The following ATP1B4 variants were observed in gnomAD, a reference collection of about 807,000 sequenced individuals.
ATP1B4 encodes protein ATP1B4.
A neutral mutation model predicts 29.6 loss-of-function variants in ATP1B4; 32 were observed. The observed-to-expected ratio is 1.08, with a 90% confidence interval of 0.82 to 1.45. The LOEUF is 1.45. Ranked by LOEUF, ATP1B4 falls within the 40% of genes most tolerant of loss-of-function variation. ATP1B4 has a pLI of 0.00. For missense variants in ATP1B4, 323 were observed against 276.2 expected (o/e 1.17, Z -1.20); for synonymous variants, 127 against 102.1 (o/e 1.24, Z -1.47).
chrX:120,377,335 G>A (rs191670964), intron 6 of ATP1B4, among the ~76,000 whole-genome samples: 3 of 112,349 alleles, frequency 2.7e-5, no homozygotes, highest in Non-Finnish European at 5.6e-5. Flanking sequence ...AGACAATCAA[G>A]TATTACATGT....
At chrX:120,373,889 C>A (rs765257686) in intron 4 of ATP1B4, among the ~76,000 whole-genome samples, 80 of 108,089 alleles carry the variant, frequency 7.4e-4, no homozygotes, top group Non-Finnish European at 1.5e-3. Context: ...CTGGCTTATT[C>A]CCTCCCCCGC....
chrX:120,367,064 C>G (rs1291781053), intron 2 of ATP1B4, among the ~76,000 whole-genome samples: 2 of 112,024 alleles, frequency 1.8e-5, no homozygotes, highest in Non-Finnish European at 3.8e-5. Flanking sequence ...TGAAAAAGCA[C>G]ATGATTTTTT....
intron 2 of ATP1B4, among the ~76,000 whole-genome samples, chrX:120,369,658 G>T (rs1268992545): frequency 1.8e-5 from 2 of 111,962 alleles, no homozygotes; most frequent in African/African-American, 6.5e-5. Context: ...ACTTCACTCA[G>T]TGTTGCCTAA....
intron 2 of ATP1B4, among the ~76,000 whole-genome samples, chrX:120,368,865 C>T (rs1340652983): frequency 9.0e-6 from 1 of 111,692 alleles, no homozygotes; most frequent in East Asian, 2.8e-4. Context: ...AATACTTGGA[C>T]ATCCAGGGCA....
rs1569355578 is a variant in ATP1B4, at chrX:120,375,413, C to G, written c.604C>G (p.Pro202Ala). Residue 202 changes from proline (P) to alanine (A), a missense_variant, in exon 5 of 8, where the codon CCC becomes GCC. By Grantham distance (27) the Pro-to-Ala change is conservative. Transcript: ENST00000218008. ...SLQEEMNVDC[P>A]PGQYFIQDGN... ...TCAAGAGGAAATGAATGTAGATTGT[C>G]CCCCGGGGCAGTACTTCATCCAAGA... 8.3e-7 allele frequency: 1 copy of G among 1,210,133 alleles called. No individual in the cohort carries two copies. The highest frequency in any genetic ancestry group is 1.1e-6 in the Non-Finnish European group (1 of 894,775).
At chrX:120,366,414 A>G in intron 1 of ATP1B4, 111 bp from the exon 2 acceptor site, 1 of 905,349 alleles carries the variant, frequency 1.1e-6, no homozygotes, top group Non-Finnish European at 1.5e-6. Context: ...GGGAAAGTGG[A>G]AATTTGAAGC....
At chrX:120,370,624 G>T in intron 2 of ATP1B4, 91 bp from the exon 3 acceptor site, 1 of 1,064,033 alleles carries the variant, frequency 9.4e-7, no homozygotes, top group Non-Finnish European at 1.3e-6. Context: ...GAGCTATTTC[G>T]TGGTTGGGTT....
intron 1 of ATP1B4, among the ~76,000 whole-genome samples, chrX:120,365,114 G>C (rs1379007817): frequency 9.0e-6 from 1 of 111,413 alleles, no homozygotes; most frequent in Non-Finnish European, 1.9e-5. Flanking sequence ...CATTGTCCAG[G>C]GTATCAAGAG....
intron 2 of ATP1B4, among the ~76,000 whole-genome samples, chrX:120,370,475 A>G (rs778737801): frequency 4.7e-4 from 53 of 112,102 alleles, no homozygotes; most frequent in Non-Finnish European, 8.5e-4. Context: ...GTTCATGGCC[A>G]TCATTTGCTG....
chrX:120,375,288 C>G (rs2058346800), intron 4 of ATP1B4, 84 bp from the exon 5 acceptor site: 3 of 870,652 alleles, frequency 3.4e-6, no homozygotes, highest in Non-Finnish European at 4.9e-6. Context: ...AGAAAGGAAA[C>G]TTGGGAGGGA....
chrX:120,370,418 G>A (rs2058307082), intron 2 of ATP1B4, among the ~76,000 whole-genome samples: 2 of 111,518 alleles, frequency 1.8e-5, no homozygotes, highest in Admixed American at 1.9e-4. Flanking sequence ...GGACTCTCAA[G>A]CAATTTTCCC....
rs1298298472 is a variant in ATP1B4, at chrX:120,375,577, G to C, written c.759+9G>C. 2.5e-6 allele frequency: 3 copies of C among 1,190,744 alleles called. No homozygotes were observed. The highest frequency in any genetic ancestry group is 3.4e-6 in the Non-Finnish European group (3 of 883,035). On this transcript the variant is annotated intron_variant, in intron 5 of 7. Coordinates refer to ENST00000218008, the MANE Select transcript of ATP1B4 (RefSeq NM_001142447.3). ...TTCTAAAGATGAACCGGGTATATTG[G>C]CTTTTCATATCTGGTGGTGATAAGC... is the stretch of plus-strand genomic sequence containing the variant.
Position 120,375,535 on chromosome X carries a change from T to C in ATP1B4, c.726T>C (p.Thr242=). 8.3e-7 allele frequency: 1 copy of C among 1,209,970 alleles called. No individual in the cohort carries two copies. Among genetic ancestry groups the C allele is most frequent in the Non-Finnish European group, 1.1e-6 (1 of 894,899 alleles). The change falls in exon 5 of 8, where the codon ACT becomes ACC. Residue 242 remains threonine, a synonymous_variant. Transcript: ENST00000218008. The part of the protein sequence containing the change: ...GLEDPTFGYS[T]GQPCILLKMN... ...AGGACCCAACTTTTGGATACTCTACTGGACAGCCCTGCATCCTTCTAAAGA... is the reference window on the plus strand; with the variant it reads ...AGGACCCAACTTTTGGATACTCTACCGGACAGCCCTGCATCCTTCTAAAGA...
chrX:120,364,362 C>T (rs971073279), intron 1 of ATP1B4, among the ~76,000 whole-genome samples: 3 of 112,093 alleles, frequency 2.7e-5, no homozygotes, highest in Non-Finnish European at 5.6e-5. Context: ...CTGTGATATA[C>T]ATGACAGCTC....
rs750385599 is a variant in ATP1B4, at chrX:120,368,309, TCAGCCATAAAGC to T, written c.328+1521_328+1532del. 5.4e-5 allele frequency among the ~76,000 whole-genome samples: 6 copies of T among 111,835 alleles called. No homozygotes were observed. The East Asian group carries it at 1.7e-3, about 32-fold the overall frequency. ...AAGGGTGAATGGTAATGTTAATGCT[TCAGCCATAAAGC>T]ACACGCCTTGCTGTCTTCTTTCCTG... On this transcript the variant is annotated intron_variant, in intron 2 of 7. Coordinates refer to ENST00000218008, the MANE Select transcript of ATP1B4 (RefSeq NM_001142447.3).
intron 4 of ATP1B4, among the ~76,000 whole-genome samples, chrX:120,371,921 GC>G (rs1303712141): frequency 3.6e-5 from 4 of 112,566 alleles, no homozygotes; most frequent in African/African-American, 1.3e-4. Flanking sequence ...ACGTGCCTTG[GC>G]CTCCCAAAGT....
chrX:120,370,272 A>G (rs1392192658), intron 2 of ATP1B4, among the ~76,000 whole-genome samples: 1 of 112,283 alleles, frequency 8.9e-6, no homozygotes, highest in Admixed American at 9.4e-5. Flanking sequence ...ATTATAGACT[A>G]TGTGGAAAGA....
intron 4 of ATP1B4, among the ~76,000 whole-genome samples, chrX:120,374,753 A>G (rs1303062109): frequency 3.1e-5 from 1 of 32,011 alleles, no homozygotes; most frequent in Non-Finnish European, 5.3e-5. Flanking sequence ...AAGGGTGTAT[A>G]TATATATATT....
chrX:120,382,826 G>A lies in ATP1B4; in HGVS notation c.*3192G>A, dbSNP rs756626664. On this transcript the variant is annotated 3_prime_UTR_variant, in exon 8 of 8. Transcript: ENST00000218008. ...CACAATTGCAAAGCAATATTGAAGG[G>A]TACTAAGATAGTTTGGGTTGTCAGC... The A allele has an allele frequency of 1.3e-4, 15 of 112,109 alleles. No individual in the cohort carries two copies. The highest frequency in any genetic ancestry group is 6.6e-4 in the Admixed American group (7 of 10,580). The allele number at this position is 112,109 out of a possible 1,213,427, so 9.2% of individuals were successfully genotyped here.
Sources: allele counts gnomAD v4.1 joint callset (sites outside exome capture counted in the v4.1 genomes callset), GRCh38; gene constraint gnomAD v4.1.1; transcripts MANE v1.5; gene names NCBI Gene and HGNC (gene_info 2026-07-23, HGNC 2026-07-21).